FBXL18: variants seen among roughly 807,000 people sequenced by gnomAD.
FBXL18 encodes the protein F-box/LRR-repeat protein 18.
A neutral mutation model predicts 46.0 loss-of-function variants in FBXL18; 36 were observed. The ratio of observed to expected loss-of-function variants is 0.78; its 90% CI spans 0.60 to 1.03. The LOEUF (loss-of-function observed/expected upper bound fraction) is 1.03. FBXL18 is among the 50% of genes least tolerant of loss of function. FBXL18 has a pLI of 0.00. For synonymous variants in FBXL18, 557 were observed against 465.3 expected, an observed-to-expected ratio of 1.20 and a Z score of -2.54; for missense variants, 977 against 1,004.1, an observed-to-expected ratio of 0.97 and a Z score of 0.36.
chr7:5,493,540 C>G (rs1246479451), intron 3 of FBXL18, among the ~76,000 whole-genome samples: 1 of 152,134 alleles, frequency 6.6e-6, no homozygotes, highest in Non-Finnish European at 1.5e-5. Flanking sequence ...CTTGCTCCAC[C>G]CGCCTCAGCC....
intron 2 of FBXL18, among the ~76,000 whole-genome samples, chr7:5,502,669 A>G (rs1298217148): frequency 1.3e-5 from 2 of 151,948 alleles, no homozygotes; most frequent in East Asian, 3.9e-4. Context: ...CATCTCTACT[A>G]AAAATACAAA....
At chr7:5,487,143 T>C (rs975326627) in intron 4 of FBXL18, among the ~76,000 whole-genome samples, 16 of 152,160 alleles carry the variant, frequency 1.1e-4, no homozygotes, top group Admixed American at 9.2e-4. Flanking sequence ...ACAGGTGCCC[T>C]GGGCTGGAAA....
chr7:5,488,268 A>G (rs1162210805), intron 4 of FBXL18, among the ~76,000 whole-genome samples: 1 of 152,220 alleles, frequency 6.6e-6, no homozygotes, highest in Non-Finnish European at 1.5e-5. Context: ...TGAATGGAGG[A>G]GAGCAGCTCA....
intron 4 of FBXL18, among the ~76,000 whole-genome samples, chr7:5,463,728 A>ATTTATTTATTTATTTTTTTTT (rs1562672288): frequency 1.9e-5 from 1 of 53,034 alleles, no homozygotes; most frequent in African/African-American, 8.0e-5. Context: ...TTATTTATTT[A>ATTTATTTATTTATTTTTTTTT]TTTTTTTTTT....
chr7:5,505,179 C>T (rs567597416), intron 2 of FBXL18, among the ~76,000 whole-genome samples: 3 of 152,114 alleles, frequency 2.0e-5, no homozygotes, highest in African/African-American at 7.2e-5. Flanking sequence ...CCTAGGTTCC[C>T]TCCCAGAACC....
chr7:5,486,066 T>TAAATA (rs1047391739), intron 4 of FBXL18, among the ~76,000 whole-genome samples: 1 of 16,010 alleles, frequency 6.2e-5, no homozygotes, highest in African/African-American at 3.3e-4. Context: ...CTCAAAAAAA[T>TAAATA]AAATAAATAA....
chr7:5,508,465 G>A (rs1432040975), intron 1 of FBXL18, among the ~76,000 whole-genome samples: 1 of 148,436 alleles, frequency 6.7e-6, no homozygotes, highest in Non-Finnish European at 1.5e-5. Context: ...AAAAATTAGT[G>A]GGACACAGTG....
intron 3 of FBXL18, among the ~76,000 whole-genome samples, chr7:5,497,710 G>A (rs1408287641): frequency 6.6e-6 from 1 of 152,180 alleles, no homozygotes; most frequent in Admixed American, 6.6e-5. Context: ...CAGGGCCAAG[G>A]TCAAGCACCG....
chr7:5,485,333 G>A (rs567938578), intron 4 of FBXL18, among the ~76,000 whole-genome samples: 3 of 152,262 alleles, frequency 2.0e-5, no homozygotes, highest in East Asian at 3.9e-4. Flanking sequence ...ACTCCTGTGC[G>A]GCTTCATAGT....
intron 4 of FBXL18, among the ~76,000 whole-genome samples, chr7:5,464,164 T>C (rs529994286): frequency 2.6e-5 from 4 of 151,628 alleles, no homozygotes; most frequent in South Asian, 2.1e-4. Flanking sequence ...GCCAACATGG[T>C]GAAACCCTGT....
At chr7:5,498,746 T>G (rs892773307) in intron 3 of FBXL18, among the ~76,000 whole-genome samples, 3 of 152,062 alleles carry the variant, frequency 2.0e-5, no homozygotes, top group Non-Finnish European at 2.9e-5. Context: ...AATTTCTGTA[T>G]GTTTTTGGTA....
downstream of FBXL18, among the ~76,000 whole-genome samples, chr7:5,472,572 G>T (rs963737136): frequency 7.3e-5 from 11 of 150,056 alleles, no homozygotes; most frequent in East Asian, 2.1e-3. Context: ...GAGAGGCCAC[G>T]TGACAAGGCC....
At chr7:5,483,561 A>G (rs1175821614) in intron 4 of FBXL18, among the ~76,000 whole-genome samples, 1 of 152,070 alleles carries the variant, frequency 6.6e-6, no homozygotes, top group East Asian at 1.9e-4. Flanking sequence ...CCTGACCAAC[A>G]TGGAGAAACC....
intron 3 of FBXL18, chr7:5,495,731 C>A: frequency 2.2e-6 from 1 of 461,220 alleles, no homozygotes; most frequent in Non-Finnish European, 4.5e-6. Flanking sequence ...TGCACAGCTC[C>A]TGCCCACGGG....
chr7:5,481,693 G>A lies in FBXL18; in HGVS notation c.*82C>T. On this transcript the variant is annotated 3_prime_UTR_variant, in exon 5 of 5. Transcript: ENST00000382368. ...CCGGGAGAGAGGCCCCCTTCCTCTT[G>A]TGACAAACCAAGGGTCCCTGGCGTC... 1.3e-6 allele frequency: 2 copies of A among 1,492,416 alleles called. No individual in the cohort carries two copies. Among genetic ancestry groups the A allele is most frequent in the South Asian group, 2.3e-5 (2 of 85,364 alleles). 92.4% of individuals were successfully genotyped at this position (1,492,416 alleles called of 1,614,324 possible). A position where few individuals can be genotyped will look rare whatever the true frequency, so the allele number is the denominator to read the frequency against.
At chr7:5,503,292 G>A (rs1417755628) in intron 2 of FBXL18, among the ~76,000 whole-genome samples, 1 of 152,216 alleles carries the variant, frequency 6.6e-6, no homozygotes, top group Non-Finnish European at 1.5e-5. Flanking sequence ...GCTGAGGCAG[G>A]AGGATGGCTT....
At chr7:5,509,013 T>C (rs1018432639) in intron 1 of FBXL18, among the ~76,000 whole-genome samples, 1 of 151,928 alleles carries the variant, frequency 6.6e-6, no homozygotes, top group African/African-American at 2.4e-5. Flanking sequence ...GGCAACATGA[T>C]GAAACCCCAT....
chr7:5,473,697 G>A, downstream of FBXL18, among the ~76,000 whole-genome samples: 1 of 149,804 alleles, frequency 6.7e-6, no homozygotes, highest in Admixed American at 6.7e-5. Flanking sequence ...GGAGGCAGAG[G>A]TTGCAGTGAG....
intron 4 of FBXL18, among the ~76,000 whole-genome samples, chr7:5,469,850 G>A (rs1783400804): frequency 1.3e-5 from 2 of 151,738 alleles, no homozygotes; most frequent in South Asian, 4.2e-4. Context: ...TGACACGGGA[G>A]AGGGTTTATG....
Sources: gnomAD v4.1 joint callset for allele counts (sites outside exome capture counted in the v4.1 genomes callset) on GRCh38, gnomAD v4.1.1 for gene constraint, MANE v1.5 for transcripts, NCBI Gene and HGNC (gene_info 2026-07-23, HGNC 2026-07-21) for gene names.